KANK1: variants seen among roughly 807,000 people sequenced by gnomAD.
KANK1 encodes KN motif and ankyrin repeat domain-containing protein 1.
A neutral mutation model predicts 106.2 loss-of-function variants in KANK1; 109 were observed. The ratio of observed to expected loss-of-function variants is 1.03; its 90% CI spans 0.88 to 1.20. The LOEUF is 1.20. Ranked by LOEUF, KANK1 falls within the 50% of genes most tolerant of loss-of-function variation. The pLI is 0.00. For synonymous variants in KANK1, 873 were observed against 652.2 expected (o/e 1.34, Z -5.16); for missense variants, 2,399 against 1,710.7 (o/e 1.40, Z -7.10).
chr9:563,608 A>C (rs1320099380), intron 1 of KANK1, among the ~76,000 whole-genome samples: 1 of 152,204 alleles, frequency 6.6e-6, no homozygotes, highest in Non-Finnish European at 1.5e-5. Flanking sequence ...CTATATTTTC[A>C]AATAGGCAGT....
At chr9:572,005 T>C (rs916360235) in intron 1 of KANK1, among the ~76,000 whole-genome samples, 4 of 152,180 alleles carry the variant, frequency 2.6e-5, no homozygotes, top group Non-Finnish European at 5.9e-5. Flanking sequence ...GGCATCTTTT[T>C]CTGCCGTCCA....
chr9:535,907 T>C (rs1444409479), intron 1 of KANK1, among the ~76,000 whole-genome samples: 1 of 152,212 alleles, frequency 6.6e-6, no homozygotes, highest in African/African-American at 2.4e-5. Flanking sequence ...CTCAAAATTC[T>C]TCCAAGCTCC....
upstream of KANK1, among the ~76,000 whole-genome samples, chr9:503,001 A>ATTTTTT (rs35195436): frequency 5.7e-5 from 4 of 70,232 alleles, no homozygotes; most frequent in Admixed American, 2.0e-4. Context: ...CGCCCAGCTG[A>ATTTTTT]TTTTTTTTTT....
chr9:671,806 G>T (rs1815208935), intron 1 of KANK1, among the ~76,000 whole-genome samples: 1 of 151,586 alleles, frequency 6.6e-6, no homozygotes, highest in Non-Finnish European at 1.5e-5. Flanking sequence ...AAATTAGCTG[G>T]GCATGGTGGT....
intron 1 of KANK1, among the ~76,000 whole-genome samples, chr9:544,809 A>G (rs976447553): frequency 6.6e-5 from 5 of 75,614 alleles, no homozygotes; most frequent in Non-Finnish European, 9.4e-5. Context: ...GTGTGTGATT[A>G]TTGGGTGGGG....
intron 3 of KANK1, among the ~76,000 whole-genome samples, chr9:729,228 T>C (rs904218770): frequency 6.6e-6 from 1 of 152,218 alleles, no homozygotes; most frequent in Non-Finnish European, 1.5e-5. Context: ...CAGAACTGTT[T>C]GATGCCCTCA....
chr9:572,500 C>A (rs988029821), intron 1 of KANK1, among the ~76,000 whole-genome samples: 9 of 151,686 alleles, frequency 5.9e-5, no homozygotes, highest in African/African-American at 1.9e-4. Context: ...TGCAGTGAGC[C>A]GAGATCGCTC....
chr9:484,096 T>G (rs1198332213), intron 3 of KANK1, among the ~76,000 whole-genome samples: 1 of 152,186 alleles, frequency 6.6e-6, no homozygotes, highest in African/African-American at 2.4e-5. Flanking sequence ...GGTCAGTGGC[T>G]CCTCCCTGCT....
In KANK1 at chr9:742,376, C is replaced by T; in HGVS notation, c.3868C>T (p.Pro1290Ser). ...GATTGTCAAGCTGCTGCTGGCCCAG[C>T]CCGGCTGCAACGGTCACCTAGAGGA... is the stretch of plus-strand genomic sequence containing the variant. ...VEIVKLLLAQ[P>S]GCNGHLEDND... The change falls in exon 10 of 12, where the codon CCC becomes TCC. Residue 1290 changes from proline to serine, a missense_variant. Transcript: ENST00000382297. The T allele has an allele frequency of 1.2e-6, 2 of 1,613,812 alleles. No homozygotes were observed. Among genetic ancestry groups the T allele is most frequent in the Non-Finnish European group, 1.7e-6 (2 of 1,179,850 alleles).
At position 538,333 on chromosome 9, in the gene KANK1, GT is replaced by G. The variant is rs1422496645; in HGVS notation, c.-84+33586del. Among the ~76,000 whole-genome samples the G allele has an allele frequency of 4.6e-5, 7 of 152,196 alleles. No homozygotes were observed. The East Asian group carries it at 9.7e-4, about 21-fold the overall frequency. ...GCAAGGCCCTCTATCTCAGGGCCCT[GT>G]TTTTTTGTAAAAAGTTGAGTAAAGG... On this transcript the variant is annotated intron_variant, in intron 1 of 11. Coordinates refer to ENST00000382297, the MANE Select transcript of KANK1 (RefSeq NM_015158.5).
intron 1 of KANK1, among the ~76,000 whole-genome samples, chr9:541,744 A>G (rs2060610329): frequency 6.6e-6 from 1 of 152,320 alleles, no homozygotes; most frequent in East Asian, 1.9e-4. Flanking sequence ...AATATATAAA[A>G]TATACAAGGA....
chr9:651,912 A>T (rs191906650), intron 1 of KANK1, among the ~76,000 whole-genome samples: 1 of 152,338 alleles, frequency 6.6e-6, no homozygotes, highest in Admixed American at 6.5e-5. Context: ...TAAAGTTGCT[A>T]TATTAAAATT....
At chr9:555,721 C>T (rs889675288) in intron 1 of KANK1, among the ~76,000 whole-genome samples, 4 of 152,142 alleles carry the variant, frequency 2.6e-5, no homozygotes, top group Admixed American at 1.3e-4. Flanking sequence ...CAGACTTGTA[C>T]TGGAATATGA....
At chr9:661,705 C>G (rs536511111) in intron 1 of KANK1, among the ~76,000 whole-genome samples, 2 of 152,256 alleles carry the variant, frequency 1.3e-5, no homozygotes, top group East Asian at 3.9e-4. Flanking sequence ...ACCACACTGT[C>G]TTTTACAATG....
rs181000550 is a variant in KANK1, at chr9:517,799, C to G, written c.-84+13045C>G. 4.8e-5 allele frequency among the ~76,000 whole-genome samples: 7 copies of G among 145,926 alleles called. No individual in the cohort carries two copies. In the East Asian group the frequency reaches 1.4e-3, roughly 29 times the overall value. The stretch of plus-strand genomic sequence containing the variant: ...TGTCACCCAGGTTGGAGTAAAGTGG[C>G]GTGATCTCGGCTCACTGGACCCTCC... On this transcript the variant is annotated intron_variant, in intron 1 of 11. Coordinates refer to ENST00000382297, the MANE Select transcript of KANK1 (RefSeq NM_015158.5).
intron 3 of KANK1, among the ~76,000 whole-genome samples, chr9:723,009 G>T (rs1179879519): frequency 6.6e-6 from 1 of 152,190 alleles, no homozygotes; most frequent in Non-Finnish European, 1.5e-5. Context: ...AAAGACTAGA[G>T]AAGATAGAAT....
Position 486,576 on chromosome 9 carries a change from G to A in KANK1, c.-362+13303G>A, listed in dbSNP as rs552665743. ...CCTGTGAGTAGCAGAGGCAGGATTT[G>A]GATGCAGGCACACTGGCTACAGAGG... On this transcript the variant is annotated intron_variant, in intron 3 of 15. Transcript: ENST00000382303. Among the ~76,000 whole-genome samples the A allele has an allele frequency of 6.6e-5, 10 of 152,230 alleles. No homozygotes were observed. The East Asian group carries it at 1.9e-3, about 29-fold the overall frequency.
chr9:573,489 C>A (rs550735468), intron 1 of KANK1, among the ~76,000 whole-genome samples: 1 of 152,108 alleles, frequency 6.6e-6, no homozygotes, highest in South Asian at 2.1e-4. Flanking sequence ...CCAGGATGGT[C>A]TCGATCTCTT....
In KANK1 at chr9:643,312, T is replaced by C. The variant is rs1167018039; in HGVS notation, c.-83-33578T>C. 1.3e-5 allele frequency among the ~76,000 whole-genome samples: 2 copies of C among 150,924 alleles called. 1 individual carries two copies. Among genetic ancestry groups the C allele is most frequent in the African/African-American group, 5.0e-5 (2 of 40,244 alleles). On this transcript the variant is annotated intron_variant, in intron 1 of 11. Coordinates refer to ENST00000382297, the MANE Select transcript of KANK1 (RefSeq NM_015158.5). ...AATATCTTTTTGATTACTTTTACTG[T>C]AGTTATTGTTTTAAGATCTGCTTTT... is the stretch of plus-strand genomic sequence containing the variant.
Sources: allele counts gnomAD v4.1 joint callset (sites outside exome capture counted in the v4.1 genomes callset), GRCh38; gene constraint gnomAD v4.1.1; transcripts MANE v1.5; gene names NCBI Gene and HGNC (gene_info 2026-07-23, HGNC 2026-07-21).